Variants in RUNX1 observed in about 807,000 individuals in gnomAD.
RUNX1 encodes RUNX family transcription factor 1, also known as runt-related transcription factor 1.
In RUNX1, 19 loss-of-function variants were observed where a neutral mutation model predicts 42.8. That is an observed-to-expected ratio of 0.44 (90% CI 0.31 to 0.65). The LOEUF is 0.65. Ranked by LOEUF, RUNX1 falls within the 30% of genes least tolerant of loss-of-function variation. The probability of loss-of-function intolerance (pLI) is 0.07; values close to 1 mark genes in which losing one functional copy is unlikely to be tolerated. For synonymous variants in RUNX1, 271 were observed against 289.4 expected (o/e 0.94, Z 0.64); for missense variants, 528 against 672.0 (o/e 0.79, Z 2.37).
intron 2 of RUNX1, among the ~76,000 whole-genome samples, chr21:34,964,107 A>C (rs1464746116): frequency 6.6e-6 from 1 of 152,186 alleles, no homozygotes; most frequent in African/African-American, 2.4e-5. Context: ...CGTGCTGACC[A>C]CTGGAGGAAC....
At chr21:34,814,294 C>G (rs747473841) in intron 7 of RUNX1, among the ~76,000 whole-genome samples, 3 of 152,120 alleles carry the variant, frequency 2.0e-5, no homozygotes, top group Non-Finnish European at 4.4e-5. Context: ...GTTACCATTC[C>G]TTTTGCCTTC....
chr21:34,820,376 A>T (rs1411365455), intron 7 of RUNX1, among the ~76,000 whole-genome samples: 1 of 152,134 alleles, frequency 6.6e-6, no homozygotes, highest in Non-Finnish European at 1.5e-5. Flanking sequence ...CCAGCCAGGC[A>T]TGGTGGCTCA....
Position 34,901,943 on chromosome 21 carries a change from G to T in RUNX1, c.59-8980C>A, listed in dbSNP as rs2058180916. 6.6e-6 allele frequency among the ~76,000 whole-genome samples: 1 copy of T among 152,128 alleles called. No homozygotes were observed. On this transcript the variant is annotated intron_variant, in intron 2 of 8. Transcript: ENST00000675419. This position sits in a 1 kb window ranked among gnomAD's most constrained non-coding sequence, Gnocchi z 4.3. ...AAAGTTGCTAATACTTCTGGAGTCT[G>T]CTTTCTTTTGTAATCTGCTTTATTT...
intron 3 of RUNX1, chr21:34,887,794 ATTT>A: frequency 9.4e-7 from 1 of 1,063,380 alleles, no homozygotes; most frequent in South Asian, 4.5e-5. Context: ...TACGCTGCAG[ATTT>A]TTTTAAGTAG....
intron 2 of RUNX1, among the ~76,000 whole-genome samples, chr21:35,017,012 A>C (rs2059164006): frequency 6.6e-6 from 1 of 151,780 alleles, no homozygotes; most frequent in East Asian, 1.9e-4. Context: ...TGAGGGTTTA[A>C]ATGGAAAAGA....
intron 5 of RUNX1, among the ~76,000 whole-genome samples, chr21:34,864,725 C>A (rs375710401): frequency 1.3e-5 from 2 of 152,210 alleles, no homozygotes; most frequent in African/African-American, 4.8e-5. Flanking sequence ...CTGACCACCA[C>A]AGCAGCATCA....
At chr21:34,821,705 G>A (rs1333913187) in intron 7 of RUNX1, 2 of 1,564,908 alleles carry the variant, frequency 1.3e-6, no homozygotes, top group Non-Finnish European at 8.7e-7. Flanking sequence ...CTCTGAGGGA[G>A]CCATGTGTGA....
At chr21:34,923,237 G>A (rs981443925) in intron 2 of RUNX1, among the ~76,000 whole-genome samples, 3 of 152,164 alleles carry the variant, frequency 2.0e-5, no homozygotes, top group African/African-American at 7.2e-5. Context: ...AAGCACCCAG[G>A]GGCTGCTGAT....
At chr21:34,965,023 C>T (rs8127732) in intron 2 of RUNX1, among the ~76,000 whole-genome samples, 80,843 of 152,052 alleles carry the variant, frequency 0.53, 21,822 homozygotes, top group African/African-American at 0.62. Flanking sequence ...CCAATGTAGG[C>T]AGGGATGTGA....
At chr21:34,866,561 T>C (rs2146277819) in intron 5 of RUNX1, among the ~76,000 whole-genome samples, 1 of 152,364 alleles carries the variant, frequency 6.6e-6, no homozygotes, top group Non-Finnish European at 1.5e-5. Context: ...TTCTCACTTT[T>C]CCACTGGAAC....
intron 2 of RUNX1, among the ~76,000 whole-genome samples, chr21:34,936,676 G>A (rs1057199534): frequency 6.6e-6 from 1 of 152,188 alleles, no homozygotes; most frequent in Admixed American, 6.5e-5. Flanking sequence ...TCGACAGATA[G>A]AACGCTTAGC....
intron 8 of RUNX1, chr21:34,798,092 T>C (rs1346822258): frequency 2.2e-6 from 1 of 456,520 alleles, no homozygotes; most frequent in African/African-American, 2.0e-5. Flanking sequence ...ATCACAACTG[T>C]CTGGAAAACA....
At position 34,907,596 on chromosome 21, in the gene RUNX1, G is replaced by A. The variant is rs891866274; in HGVS notation, c.59-14633C>T. On this transcript the variant is annotated intron_variant, in intron 2 of 8. Transcript: ENST00000675419. This position sits in a 1 kb window ranked among gnomAD's most constrained non-coding sequence, Gnocchi z 5.3. ...CAATTTGTTACTTGACTTGGTGTTTGGCTCCCTGTGACTCTCTGAAGTTCT... is the reference window on the plus strand; with the variant it reads ...CAATTTGTTACTTGACTTGGTGTTTAGCTCCCTGTGACTCTCTGAAGTTCT... Among the ~76,000 whole-genome samples the A allele has an allele frequency of 2.0e-5, 3 of 151,950 alleles. No individual in the cohort carries two copies. Among genetic ancestry groups the A allele is most frequent in the African/African-American group, 7.2e-5 (3 of 41,388 alleles).
chr21:34,816,850 T>C (rs1306551607), intron 7 of RUNX1, among the ~76,000 whole-genome samples: 1 of 152,138 alleles, frequency 6.6e-6, no homozygotes, highest in African/African-American at 2.4e-5. Flanking sequence ...CTTGACTTTT[T>C]GGTCATTTCA....
chr21:34,821,915 A>G (rs929677238), intron 7 of RUNX1, among the ~76,000 whole-genome samples: 3 of 152,198 alleles, frequency 2.0e-5, no homozygotes, highest in Non-Finnish European at 4.4e-5. Context: ...CATGCTTCGT[A>G]ATTTGTGGTA....
chr21:34,978,935 G>GACACACAC (rs2058824233), intron 2 of RUNX1, among the ~76,000 whole-genome samples: 3 of 39,188 alleles, frequency 7.7e-5, no homozygotes, highest in Admixed American at 2.7e-4. Context: ...CACACACACA[G>GACACACAC]ATACACACAC....
chr21:34,889,026 A>C (rs1178629074), intron 3 of RUNX1, among the ~76,000 whole-genome samples: 1 of 151,154 alleles, frequency 6.6e-6, no homozygotes, highest in Admixed American at 6.6e-5. Flanking sequence ...CACGGTCCGG[A>C]GACCTGGAAA....
chr21:34,830,373 T>C (rs1031485452), intron 7 of RUNX1, among the ~76,000 whole-genome samples: 134 of 152,298 alleles, frequency 8.8e-4, no homozygotes, highest in African/African-American at 3.1e-3. Flanking sequence ...TATAAACAAA[T>C]GCACATGTAC....
intron 6 of RUNX1, among the ~76,000 whole-genome samples, chr21:34,845,013 C>T (rs1259385382): frequency 6.6e-6 from 1 of 152,236 alleles, no homozygotes; most frequent in Non-Finnish European, 1.5e-5. Flanking sequence ...TGTGTCATGA[C>T]AGCCTCATTC....
Sources: gnomAD v4.1 joint callset for allele counts (sites outside exome capture counted in the v4.1 genomes callset) on GRCh38, gnomAD v4.1.1 for gene constraint, Gnocchi (gnomAD v3.1) non-coding constraint, MANE v1.5 for transcripts, NCBI Gene and HGNC (gene_info 2026-07-23, HGNC 2026-07-21) for gene names.